The following COL2A1 variants were observed in gnomAD, a reference collection of about 807,000 sequenced individuals.
The protein encoded by COL2A1 is collagen type II alpha 1 chain, also known as collagen alpha-1(II) chain.
In COL2A1, 28 loss-of-function variants were observed where a neutral mutation model predicts 204.5. The observed-to-expected ratio is 0.14, with a 90% confidence interval of 0.10 to 0.19. The LOEUF (loss-of-function observed/expected upper bound fraction) is 0.19, where lower values mean the gene tolerates loss of function less well. Ranked by LOEUF, COL2A1 falls within the 10% of genes least tolerant of loss-of-function variation. COL2A1 has a pLI of 1.00. For synonymous variants in COL2A1, 708 were observed against 718.7 expected, an observed-to-expected ratio of 0.99 and a Z score of 0.24; for missense variants, 1,388 against 2,027.5, an observed-to-expected ratio of 0.68 and a Z score of 6.06.
chr12:47,982,073 AT>A lies in COL2A1; in HGVS notation c.2355+33del, dbSNP rs753441355. On this transcript the variant is annotated intron_variant, in intron 35 of 53. Transcript: ENST00000380518. Reference sequence around the variant, plus strand: ...TCCTGGGTGCAGGGCTAGGATCCTAATGCCCAGCAGTCCAGCAGCCCGCATT... The same window carrying A: ...TCCTGGGTGCAGGGCTAGGATCCTAAGCCCAGCAGTCCAGCAGCCCGCATT... The A allele has an allele frequency of 1.0e-5, 16 of 1,602,688 alleles. No individual in the cohort carries two copies. The African/African-American group carries it at 2.1e-4, about 21-fold the overall frequency.
At chr12:48,005,819 C>G (rs1940448471), upstream of COL2A1, 1 of 152,270 alleles carries the variant, frequency 6.6e-6, no homozygotes, top group Non-Finnish European at 1.5e-5. Flanking sequence ...GAGCTTTCCC[C>G]CTAGAAGCTG....
chr12:47,984,493 C>G (rs1002724051), intron 28 of COL2A1, 53 bp downstream of exon 28: 6 of 1,587,420 alleles, frequency 3.8e-6, no homozygotes, highest in African/African-American at 1.3e-5. Context: ...CCCTGTCCTC[C>G]CTGCAGATGC....
At chr12:47,990,858 G>C (rs761048188) in intron 16 of COL2A1, among the ~76,000 whole-genome samples, 4 of 152,192 alleles carry the variant, frequency 2.6e-5, no homozygotes, top group Non-Finnish European at 5.9e-5. Flanking sequence ...GGGGGCCACA[G>C]GCTGGGTGGA....
rs1201062258 is a variant in COL2A1, at chr12:47,987,575, C to G, written c.1221+36G>C. ...GTCAAGAGTTCCAAAGCCACAGACC[C>G]CAGACCCCCCCAGGCCAAAGAGAAG... is the stretch of plus-strand genomic sequence containing the variant. On this transcript the variant is annotated intron_variant, in intron 19 of 53. Coordinates refer to ENST00000380518, the MANE Select transcript of COL2A1 (RefSeq NM_001844.5). This position sits in a 1 kb window ranked among gnomAD's most constrained non-coding sequence, Gnocchi z 4.1. 5.8e-6 allele frequency: 9 copies of G among 1,558,448 alleles called. No individual in the cohort carries two copies. Among genetic ancestry groups the G allele is most frequent in the Non-Finnish European group, 7.9e-6 (9 of 1,137,300 alleles).
In COL2A1 at chr12:47,974,163, C is replaced by T; in HGVS notation, c.4243G>A (p.Gly1415Ser). The T allele has an allele frequency of 6.2e-7, 1 of 1,614,200 alleles. No individual in the cohort carries two copies. Among genetic ancestry groups the T allele is most frequent in the South Asian group, 1.1e-5 (1 of 91,084 alleles). The change falls in exon 53 of 54, where the codon GGC becomes AGC. Residue 1415 changes from glycine (G) to serine (S), a missense_variant. Coordinates refer to ENST00000380518, the MANE Select transcript of COL2A1 (RefSeq NM_001844.5). ...GCCCGGATCTCCACGTCATTGGAGC[C>T]CTGGATGAGCAGGGCCTTCTTGAGG... is the stretch of plus-strand genomic sequence containing the variant. Reference protein sequence around the residue: ...GNLKKALLIQGSNDVEIRAEG... With the variant: ...GNLKKALLIQSSNDVEIRAEG...
At chr12:47,988,205 C>T (rs1015025665) in intron 18 of COL2A1, among the ~76,000 whole-genome samples, 2 of 152,204 alleles carry the variant, frequency 1.3e-5, no homozygotes, top group Non-Finnish European at 1.5e-5. Flanking sequence ...TGAACAGTGA[C>T]ACCCTGGCTC....
At position 47,976,054 on chromosome 12, in the gene COL2A1, A is replaced by T; in HGVS notation, c.3506T>A (p.Val1169Asp). The T allele has an allele frequency of 6.2e-7, 1 of 1,613,170 alleles. No homozygotes were observed. Among genetic ancestry groups the T allele is most frequent in the Non-Finnish European group, 8.5e-7 (1 of 1,179,242 alleles). ...AGCACCATCTTTGCCAGAGGGACCG[A>T]CGGGGCCAGGAGGACCCTGCAAGAG... ...PSGPRGPPGP[V>D]GPSGKDGANG... Residue 1169 changes from valine (V) to aspartate (D), a missense_variant, in exon 50 of 54, where the codon GTC becomes GAC. Val to Asp is a radical substitution (Grantham distance 152, BLOSUM62 -3). This residue lies in a region of COL2A1 where 884 missense variants were observed against 1,415.8 expected (regional missense o/e 0.62). Transcript: ENST00000380518. The surrounding 1 kb of genome is among the most constrained non-coding windows in gnomAD (Gnocchi z 4.3).
Position 48,003,883 on chromosome 12 carries a change from G to T in COL2A1, c.85+354C>A, listed in dbSNP as rs73299132. ...GCTGAACTCGAAGTGCTTCGAAGAG[G>T]CGAGCTGTGTGCATGTGCGCCTAAT... On this transcript the variant is annotated intron_variant, in intron 1 of 53. Coordinates refer to ENST00000380518, the MANE Select transcript of COL2A1 (RefSeq NM_001844.5). Among the ~76,000 whole-genome samples the T allele has an allele frequency of 1.5e-3, 227 of 152,318 alleles. 1 individual carries two copies. Among genetic ancestry groups the T allele is most frequent in the African/African-American group, 4.9e-3 (203 of 41,562 alleles).
intron 40 of COL2A1, 130 bp downstream of exon 40, chr12:47,979,879 G>T: frequency 2.4e-6 from 2 of 839,842 alleles, no homozygotes; most frequent in Non-Finnish European, 3.7e-6. Context: ...GCTGTGGGTG[G>T]GCTTAGGCTG....
At chr12:47,983,878 T>C (rs1939238405) in intron 29 of COL2A1, 142 bp from the exon 30 acceptor site, 1 of 982,162 alleles carries the variant, frequency 1.0e-6, no homozygotes, top group Admixed American at 2.0e-5. Flanking sequence ...CATGCCTCCC[T>C]GCACTCCCAT....
At chr12:47,975,058 G>A (rs1316465718) in intron 51 of COL2A1, among the ~76,000 whole-genome samples, 196 bp from the exon 52 acceptor site, 1 of 152,224 alleles carries the variant, frequency 6.6e-6, no homozygotes, top group Admixed American at 6.5e-5. Flanking sequence ...CAGCCCTAAG[G>A]AAGAACACAT....
In COL2A1 at chr12:47,989,750, A is replaced by C; in HGVS notation, c.1068+11T>G. The C allele has an allele frequency of 2.5e-6, 4 of 1,613,302 alleles. No individual in the cohort carries two copies. The East Asian group carries it at 8.9e-5, about 36-fold the overall frequency. The stretch of plus-strand genomic sequence containing the variant: ...AGCAACAATGACCTGCTGAGGATGA[A>C]ATGAACTTACCGGAGGCCCTGCGGG... On this transcript the variant is annotated intron_variant, in intron 17 of 53. Transcript: ENST00000380518.
chr12:47,975,611 G>C lies in COL2A1; in HGVS notation c.3598-6C>G, dbSNP rs763340509. 1.9e-6 allele frequency: 3 copies of C among 1,598,702 alleles called. No individual in the cohort carries two copies. Among genetic ancestry groups the C allele is most frequent in the Non-Finnish European group, 2.5e-6 (3 of 1,179,614 alleles). Reference sequence around the variant, plus strand: ...CCAGGATTTCCAGGAGGACCCTGCAGCAGGAAACAGAGAGATCAGCCAGGA... The same window carrying C: ...CCAGGATTTCCAGGAGGACCCTGCACCAGGAAACAGAGAGATCAGCCAGGA... On this transcript the variant is annotated splice_polypyrimidine_tract_variant and splice_region_variant and intron_variant, in intron 50 of 53. Transcript: ENST00000380518.
At position 47,995,390 on chromosome 12, in the gene COL2A1, T is replaced by C. The variant is rs1939906682; in HGVS notation, c.709-82A>G. The C allele has an allele frequency of 1.6e-5, 19 of 1,210,766 alleles. No homozygotes were observed. In the South Asian group the frequency reaches 2.3e-4, roughly 15 times the overall value. 75.0% of individuals were successfully genotyped at this position (1,210,766 alleles called of 1,614,324 possible). The stretch of plus-strand genomic sequence containing the variant: ...ATGGACAAAACTTTGACATTGTAGT[T>C]TTGGAAGCCAGTTCTTCTATGAAGA... On this transcript the variant is annotated intron_variant, in intron 10 of 53. Transcript: ENST00000380518.
chr12:47,973,592 G>A (rs372534127), intron 53 of COL2A1, 39 bp from the exon 54 acceptor site: 2 of 1,612,802 alleles, frequency 1.2e-6, no homozygotes, highest in Non-Finnish European at 1.7e-6. Flanking sequence ...TTCAGTAGAT[G>A]CCTTGCTACC....
intron 1 of COL2A1, among the ~76,000 whole-genome samples, chr12:48,000,769 T>C (rs541412972): frequency 8.6e-4 from 131 of 152,370 alleles, no homozygotes; most frequent in African/African-American, 3.0e-3. Flanking sequence ...TCTTGTCTCA[T>C]TCTTTGAACC....
Position 47,986,412 on chromosome 12 carries a change from G to T in COL2A1, c.1451C>A (p.Pro484His), listed in dbSNP as rs1379138676. ...GPAGPQGAPG[P>H]AGEEGKRGAR... ...ACCTCTCTTGCCTTCTTCACCAGCG[G>T]GTCCAGGGGCTCCCTGGGGGCCAGC... Residue 484 changes from proline (P) to histidine (H), a missense_variant, in exon 23 of 54, where the codon CCC becomes CAC. By Grantham distance (77) the Pro-to-His change is moderately conservative. This residue lies in a region of COL2A1 where 884 missense variants were observed against 1,415.8 expected (regional missense o/e 0.62). Transcript: ENST00000380518. 2 of 1,562,734 alleles carry T rather than the reference G, an allele frequency of 1.3e-6. No individual in the cohort carries two copies. The highest frequency in any genetic ancestry group is 1.2e-5 in the South Asian group (1 of 84,910).
rs370407502 is a variant in COL2A1 at position 47,985,822 on chromosome 12, G to T, written c.1586C>A (p.Ala529Asp). 1.7e-5 allele frequency: 27 copies of T among 1,609,250 alleles called. No individual in the cohort carries two copies. The highest frequency in any genetic ancestry group is 2.2e-5 in the East Asian group (1 of 44,730). Residue 529 changes from alanine to aspartate, a missense_variant, in exon 25 of 54, where the codon GCC (alanine) becomes GAC (aspartate). Ala to Asp is a moderately radical substitution (Grantham distance 126). Transcript: ENST00000380518. ...GQDGLAGPKG[A>D]PGERGPSGLA... ...ACCACTGGGCCCTCGCTCTCCAGGG[G>T]CTCCCTACAAGGGTACACAGGGAGT...
intron 44 of COL2A1, 53 bp from the exon 45 acceptor site, chr12:47,977,706 C>A: frequency 4.4e-6 from 7 of 1,578,234 alleles, no homozygotes; most frequent in Non-Finnish European, 6.1e-6. Flanking sequence ...CCCATCTCCC[C>A]CTCTGCTCCC....
Sources: gnomAD v4.1 joint callset for allele counts (sites outside exome capture counted in the v4.1 genomes callset) on GRCh38, gnomAD v4.1.1 for gene constraint, gnomAD v4.1.1 regional missense constraint, Gnocchi (gnomAD v3.1) non-coding constraint, MANE v1.5 for transcripts, NCBI Gene and HGNC (gene_info 2026-07-23, HGNC 2026-07-21) for gene names.